CDH13: variants seen among roughly 807,000 people sequenced by gnomAD.
CDH13 encodes cadherin-13.
Under a neutral mutation model 63.8 loss-of-function variants are expected in CDH13, and 24 were observed. That is an observed-to-expected ratio of 0.38 (90% confidence interval 0.27 to 0.53). The LOEUF (loss-of-function observed/expected upper bound fraction) is 0.53. Ranked by LOEUF, CDH13 falls within the 20% of genes least tolerant of loss-of-function variation. CDH13 has a pLI of 0.85. For synonymous variants in CDH13, 503 were observed against 355.3 expected (o/e 1.42, Z -4.67); for missense variants, 1,049 against 903.1 (o/e 1.16, Z -2.07).
Position 83,368,395 on chromosome 16 carries a change from G to A in CDH13, c.781+23389G>A, listed in dbSNP as rs145906475. Among the ~76,000 whole-genome samples the A allele has an allele frequency of 9.0e-3, 1,363 of 152,240 alleles. 15 individuals are homozygous for A. The highest frequency in any genetic ancestry group is 0.03 in the African/African-American group (1,257 of 41,544). ...GGAAAGAATTTGGTTGCTTGCTGTAGCTCATGACTTAGGACGCATTTTCCC... is the reference window on the plus strand; with the variant it reads ...GGAAAGAATTTGGTTGCTTGCTGTAACTCATGACTTAGGACGCATTTTCCC... On this transcript the variant is annotated intron_variant, in intron 6 of 13. Coordinates refer to ENST00000567109, the MANE Select transcript of CDH13 (RefSeq NM_001257.5).
At chr16:82,676,693 A>G (rs375576719) in intron 1 of CDH13, among the ~76,000 whole-genome samples, 3 of 152,044 alleles carry the variant, frequency 2.0e-5, no homozygotes. Flanking sequence ...GAAATATAAA[A>G]CAAAACCTCG....
intron 2 of CDH13, among the ~76,000 whole-genome samples, chr16:82,910,279 C>A (rs74661907): frequency 6.6e-6 from 1 of 152,082 alleles, no homozygotes; most frequent in African/African-American, 2.4e-5. Flanking sequence ...CTATTCTGGC[C>A]GATACTCATA....
chr16:82,755,109 C>T (rs150121482), intron 1 of CDH13, among the ~76,000 whole-genome samples: 1 of 152,184 alleles, frequency 6.6e-6, no homozygotes. Context: ...CATGGGTCGA[C>T]CTGATAAAAT....
chr16:83,516,289 G>A (rs1480984171), intron 7 of CDH13, among the ~76,000 whole-genome samples: 1 of 152,162 alleles, frequency 6.6e-6, no homozygotes, highest in Non-Finnish European at 1.5e-5. Context: ...TCCATTCTGA[G>A]GTTCTCTTCT....
At chr16:82,768,654 G>T (rs1435231536) in intron 1 of CDH13, among the ~76,000 whole-genome samples, 1 of 152,186 alleles carries the variant, frequency 6.6e-6, no homozygotes, top group Non-Finnish European at 1.5e-5. Context: ...GGTTAGGAGA[G>T]CTGGGCTTCA....
At chr16:83,532,999 G>C (rs1404615633) in intron 7 of CDH13, among the ~76,000 whole-genome samples, 3 of 152,228 alleles carry the variant, frequency 2.0e-5, no homozygotes, top group Non-Finnish European at 4.4e-5. Context: ...CTCTGTAGGA[G>C]AAGCTAACTA....
chr16:83,387,860 G>A (rs558996336), intron 6 of CDH13, among the ~76,000 whole-genome samples: 1 of 152,208 alleles, frequency 6.6e-6, no homozygotes, highest in East Asian at 1.9e-4. Context: ...TACACAGCAT[G>A]TCCAAGTGCT....
chr16:83,021,216 G>A (rs918286024), intron 2 of CDH13, among the ~76,000 whole-genome samples: 4 of 152,176 alleles, frequency 2.6e-5, no homozygotes, highest in African/African-American at 9.7e-5. Flanking sequence ...TGTTTGGGGA[G>A]TTTCAAATCT....
At chr16:83,292,208 T>G (rs1388825923) in intron 5 of CDH13, among the ~76,000 whole-genome samples, 1 of 152,228 alleles carries the variant, frequency 6.6e-6, no homozygotes, top group Non-Finnish European at 1.5e-5. Context: ...AAAACCCAAT[T>G]AATACACAGT....
intron 4 of CDH13, among the ~76,000 whole-genome samples, chr16:83,162,896 T>C (rs1202327007): frequency 6.6e-6 from 1 of 152,118 alleles, no homozygotes; most frequent in Non-Finnish European, 1.5e-5. Context: ...AGAGCTAGCT[T>C]GGGCTGCTCC....
At chr16:83,773,215 C>T (rs935690725) in intron 11 of CDH13, among the ~76,000 whole-genome samples, 1 of 152,170 alleles carries the variant, frequency 6.6e-6, no homozygotes, top group South Asian at 2.1e-4. Flanking sequence ...AGATTTACAT[C>T]TCACAGGGAC....
intron 3 of CDH13, among the ~76,000 whole-genome samples, chr16:83,074,853 G>A (rs542112412): frequency 3.9e-4 from 59 of 152,276 alleles, no homozygotes; most frequent in African/African-American, 1.1e-3. Flanking sequence ...CAGACATCAC[G>A]TGGACTGTCT....
intron 6 of CDH13, among the ~76,000 whole-genome samples, chr16:83,389,152 A>G (rs1398567876): frequency 7.2e-5 from 11 of 152,354 alleles, no homozygotes; most frequent in Admixed American, 5.2e-4. Context: ...AGAATCACTC[A>G]GATTGCTTTT....
intron 3 of CDH13, among the ~76,000 whole-genome samples, chr16:83,103,865 T>A (rs1002093067): frequency 2.0e-5 from 3 of 152,140 alleles, no homozygotes; most frequent in Non-Finnish European, 4.4e-5. Context: ...TTTAAAAAAA[T>A]TTTCCTACTT....
chr16:82,823,840 G>A (rs1207842300), intron 1 of CDH13: 4 of 152,100 alleles, frequency 2.6e-5, no homozygotes, highest in African/African-American at 9.7e-5. Flanking sequence ...TTGGAAGTGG[G>A]ATTATACATA....
intron 2 of CDH13, among the ~76,000 whole-genome samples, chr16:82,887,636 C>T (rs1033917560): frequency 6.6e-6 from 1 of 152,120 alleles, no homozygotes; most frequent in African/African-American, 2.4e-5. Flanking sequence ...GTCTGGCCAA[C>T]GTGGTGAAAC....
At chr16:83,254,596 G>A (rs758757244) in intron 5 of CDH13, among the ~76,000 whole-genome samples, 2 of 152,034 alleles carry the variant, frequency 1.3e-5, no homozygotes, top group Non-Finnish European at 2.9e-5. Flanking sequence ...TCTGATCCTT[G>A]TTTTTATCTG....
In CDH13 at chr16:82,783,951, T is replaced by C. The variant is rs561135724; in HGVS notation, c.46-74411T>C. On this transcript the variant is annotated intron_variant, in intron 1 of 13. Coordinates refer to ENST00000567109, the MANE Select transcript of CDH13 (RefSeq NM_001257.5). ...ATACTAATGTCTTCACAATACTTAA[T>C]GTTAGAAATTCAATTTGTTTTTTTC... Among the ~76,000 whole-genome samples the C allele has an allele frequency of 4.6e-5, 7 of 152,328 alleles. 1 individual carries two copies. Among genetic ancestry groups the C allele is most frequent in the East Asian group, 1.9e-4 (1 of 5,186 alleles).
rs887069113 is a variant in CDH13, at chr16:83,178,337, G to A, written c.484-39008G>A. 1.8e-4 allele frequency among the ~76,000 whole-genome samples: 28 copies of A among 152,152 alleles called. 1 individual carries two copies. Among genetic ancestry groups the A allele is most frequent in the Admixed American group, 1.7e-3 (26 of 15,270 alleles). ...TGTCTCCAGAAAAATGTTCCAAGCA[G>A]GGAAAACTCCCCCGCCGCACCCCAG... On this transcript the variant is annotated intron_variant, in intron 4 of 13. Coordinates refer to ENST00000567109, the MANE Select transcript of CDH13 (RefSeq NM_001257.5).
Sources: allele counts gnomAD v4.1 joint callset (sites outside exome capture counted in the v4.1 genomes callset), GRCh38; gene constraint gnomAD v4.1.1; transcripts MANE v1.5; gene names NCBI Gene and HGNC (gene_info 2026-07-23, HGNC 2026-07-21).